The following C6orf62 variants were observed in gnomAD, a reference collection of about 807,000 sequenced individuals.
C6orf62 encodes chromosome 6 open reading frame 62.
In C6orf62, 16 loss-of-function variants were observed where a neutral mutation model predicts 26.8. The ratio of observed to expected loss-of-function variants is 0.60; its 90% CI spans 0.40 to 0.91. The LOEUF (loss-of-function observed/expected upper bound fraction) is 0.91. Ranked by LOEUF, C6orf62 falls within the 40% of genes least tolerant of loss-of-function variation. The probability of loss-of-function intolerance (pLI) is 0.00; values close to 1 mark genes in which losing one functional copy is unlikely to be tolerated. For synonymous variants in C6orf62, 112 were observed against 91.5 expected (o/e 1.22, Z -1.28); for missense variants, 192 against 271.4 (o/e 0.71, Z 2.06).
rs542357213 is a variant in C6orf62, at chr6:24,717,083, C to CTTTTAATACTACTCTTTT, written c.130-760_130-759insAAAAGAGTAGTATTAAAA. On this transcript the variant is annotated intron_variant, in intron 1 of 4. Coordinates refer to ENST00000378119, the MANE Select transcript of C6orf62 (RefSeq NM_030939.5). ...CACCAAGTTCTCTTTTAATACTACTCAAGACCAAGTACGCATCACTAAACT... is the reference window on the plus strand; with the variant it reads ...CACCAAGTTCTCTTTTAATACTACTCTTTTAATACTACTCTTTTAAGACCAAGTACGCATCACTAAACT... Among the ~76,000 whole-genome samples, 91 of 152,278 alleles carry CTTTTAATACTACTCTTTT rather than the reference C, an allele frequency of 6.0e-4. No individual in the cohort carries two copies. In the South Asian group the frequency reaches 0.017, roughly 29 times the overall value.
chr6:24,706,589 T>C (rs149738850), intron 4 of C6orf62, among the ~76,000 whole-genome samples: 133 of 152,226 alleles, frequency 8.7e-4, no homozygotes, highest in African/African-American at 2.8e-3. Context: ...GTGGTAAGAA[T>C]AGAAGCTAGT....
At chr6:24,712,530 G>A (rs753897691) in intron 3 of C6orf62, among the ~76,000 whole-genome samples, 7 of 151,928 alleles carry the variant, frequency 4.6e-5, no homozygotes, top group Non-Finnish European at 7.4e-5. Context: ...TTAGCTGGGC[G>A]TGGTGGCATG....
intron 3 of C6orf62, among the ~76,000 whole-genome samples, chr6:24,711,239 TACAC>T (rs143267331): frequency 5.0e-5 from 7 of 138,684 alleles, no homozygotes; most frequent in East Asian, 2.1e-4. Flanking sequence ...AAAGAAATGG[TACAC>T]ACACACACAC....
In C6orf62 at chr6:24,718,936, G is replaced by C; in HGVS notation, c.-268C>G. ...GACGGGAAAAAGGGAGGAAAGAAAG[G>C]AAAGAAAGAGGAGAAAATAACTAAC... On this transcript the variant is annotated 5_prime_UTR_variant, in exon 1 of 5. Coordinates refer to ENST00000378119, the MANE Select transcript of C6orf62 (RefSeq NM_030939.5). 2 of 1,242,972 alleles carry C rather than the reference G, an allele frequency of 1.6e-6. No homozygotes were observed. Among genetic ancestry groups the C allele is most frequent in the Non-Finnish European group, 2.0e-6 (2 of 989,930 alleles). 77.0% of individuals were successfully genotyped at this position (1,242,972 alleles called of 1,614,324 possible).
chr6:24,708,729 A>T (rs375340509), intron 4 of C6orf62, 48 bp downstream of exon 4: 2 of 1,611,154 alleles, frequency 1.2e-6, no homozygotes, highest in Non-Finnish European at 1.7e-6. Flanking sequence ...TTACTAACCA[A>T]TAAGTTTTTG....
chr6:24,710,948 T>C (rs1779109162), intron 3 of C6orf62, among the ~76,000 whole-genome samples: 1 of 151,898 alleles, frequency 6.6e-6, no homozygotes, highest in Admixed American at 6.6e-5. Context: ...GCCATGACTA[T>C]GCCACTGCAC....
chr6:24,713,382 A>C (rs543320727), intron 3 of C6orf62, among the ~76,000 whole-genome samples: 1 of 152,362 alleles, frequency 6.6e-6, no homozygotes, highest in Non-Finnish European at 1.5e-5. Context: ...GCTTATGTGT[A>C]GCAACATTAC....
intron 4 of C6orf62, among the ~76,000 whole-genome samples, chr6:24,708,085 G>A (rs1779047277): frequency 6.6e-6 from 1 of 151,932 alleles, no homozygotes; most frequent in African/African-American, 2.4e-5. Flanking sequence ...TGTTTAAAGT[G>A]CAGACTCTGA....
Position 24,715,848 on chromosome 6 carries a change from CAA to C in C6orf62, c.306+298_306+299del, listed in dbSNP as rs139717677. Among the ~76,000 whole-genome samples, 74 of 63,816 alleles carry C rather than the reference CAA, an allele frequency of 1.2e-3. No individual in the cohort carries two copies. In the South Asian group the frequency reaches 0.024, roughly 21 times the overall value. 41.9% of individuals were successfully genotyped at this position (63,816 alleles called of 152,430 possible). On this transcript the variant is annotated intron_variant, in intron 2 of 4. Coordinates refer to ENST00000378119, the MANE Select transcript of C6orf62 (RefSeq NM_030939.5). The stretch of plus-strand genomic sequence containing the variant: ...TCAGCGAAAGAGCAAGACTTTGTCT[CAA>C]AAAAAAAAAAAAAAAAAAAAGTCCG...
chr6:24,720,161 G>T, upstream of C6orf62: 1 of 1,361,452 alleles, frequency 7.3e-7, no homozygotes, highest in Non-Finnish European at 9.4e-7. Flanking sequence ...CAGCTAGGGC[G>T]GGGTGGGTGA....
In C6orf62 at chr6:24,705,014, A is replaced by G. The variant is rs1047332817; in HGVS notation, c.*1123T>C. ...TTACTCCAAAGGAGTAGGATCATTC[A>G]GATTTACTCCAATAAAAGTATGCAA... On this transcript the variant is annotated 3_prime_UTR_variant, in exon 5 of 5. Coordinates refer to ENST00000378119, the MANE Select transcript of C6orf62 (RefSeq NM_030939.5). 22 of 151,946 alleles carry G rather than the reference A, an allele frequency of 1.4e-4. No homozygotes were observed. Among genetic ancestry groups the G allele is most frequent in the African/African-American group, 5.3e-4 (22 of 41,270 alleles). The allele number at this position is 151,946 out of a possible 1,614,324, so 9.4% of individuals were successfully genotyped here.
chr6:24,719,129 G>A lies in C6orf62; in HGVS notation c.-461C>T. ...TTTAGAAAAGGGATTAAGGAACAGGGAGGGGGAAGTGTGATCCTTGCTTTC... is the reference window on the plus strand; with the variant it reads ...TTTAGAAAAGGGATTAAGGAACAGGAAGGGGGAAGTGTGATCCTTGCTTTC... On this transcript the variant is annotated 5_prime_UTR_variant, in exon 1 of 5. Transcript: ENST00000378119. The A allele has an allele frequency of 1.0e-6, 1 of 968,690 alleles. No homozygotes were observed. Among genetic ancestry groups the A allele is most frequent in the Non-Finnish European group, 1.2e-6 (1 of 817,938 alleles). The allele number at this position is 968,690 out of a possible 1,614,324, so 60.0% of individuals were successfully genotyped here.
In C6orf62 at chr6:24,718,984, T is replaced by G. The variant is rs1581401438; in HGVS notation, c.-316A>C. On this transcript the variant is annotated 5_prime_UTR_variant, in exon 1 of 5. Coordinates refer to ENST00000378119, the MANE Select transcript of C6orf62 (RefSeq NM_030939.5). ...AACTTTCTGGAAAACACATTTGGCT[T>G]AACTGCCAAAATAAAGGCTTTGCGG... 8.7e-7 allele frequency: 1 copy of G among 1,149,296 alleles called. No individual in the cohort carries two copies. The highest frequency in any genetic ancestry group is 1.7e-5 in the African/African-American group (1 of 60,220). 71.2% of individuals were successfully genotyped at this position (1,149,296 alleles called of 1,614,324 possible).
rs185345176 is a variant in C6orf62, at chr6:24,708,925, A to G, written c.430-14T>C. 184 of 1,614,040 alleles carry G rather than the reference A, an allele frequency of 1.1e-4. No individual in the cohort carries two copies. The African/African-American group carries it at 2.3e-3, about 20-fold the overall frequency. ...CTCAAATTTGGCCTAATTACAAAAT[A>G]CAACATTTATATTAAACTACAAACA... On this transcript the variant is annotated splice_polypyrimidine_tract_variant and intron_variant, in intron 3 of 4. Coordinates refer to ENST00000378119, the MANE Select transcript of C6orf62 (RefSeq NM_030939.5).
At chr6:24,719,656 T>A, upstream of C6orf62, 1 of 1,447,788 alleles carries the variant, frequency 6.9e-7, no homozygotes, top group Non-Finnish European at 9.1e-7. Context: ...AGCCTGCAAC[T>A]AGTCCTACAT....
chr6:24,706,390 T>C (rs2127631660), intron 4 of C6orf62, 128 bp from the exon 5 acceptor site: 1 of 1,352,770 alleles, frequency 7.4e-7, no homozygotes, highest in East Asian at 2.5e-5. Context: ...GTAGTCCCTA[T>C]CCATATTCTA....
chr6:24,712,572 G>C (rs1779142556), intron 3 of C6orf62, among the ~76,000 whole-genome samples: 1 of 151,366 alleles, frequency 6.6e-6, no homozygotes, highest in Non-Finnish European at 1.5e-5. Context: ...GGGAGGCTAA[G>C]GCAGGAGAAT....
At position 24,710,599 on chromosome 6, in the gene C6orf62, A is replaced by G. The variant is rs968704556; in HGVS notation, c.430-1688T>C. ...TCTTATCATCAAACCACTATAGGAGAAAAAAAAAAAAGTAACAGTAAGTAA... is the reference window on the plus strand; with the variant it reads ...TCTTATCATCAAACCACTATAGGAGGAAAAAAAAAAAGTAACAGTAAGTAA... On this transcript the variant is annotated intron_variant, in intron 3 of 4. Coordinates refer to ENST00000378119, the MANE Select transcript of C6orf62 (RefSeq NM_030939.5). The G allele has an allele frequency of 4.6e-5, 11 of 239,428 alleles. No individual in the cohort carries two copies. In the African/African-American group the frequency reaches 4.9e-4, roughly 11 times the overall value. The allele number at this position is 239,428 out of a possible 1,614,324, so 14.8% of individuals were successfully genotyped here.
rs1779005388 is a variant in C6orf62, at chr6:24,706,179, A to C, written c.648T>G (p.Val216=). The change falls in exon 5 of 5, where the codon GTT becomes GTG. Residue 216 remains valine (V), a synonymous_variant. Coordinates refer to ENST00000378119, the MANE Select transcript of C6orf62 (RefSeq NM_030939.5). ...GACGGAGGTGATCCTCTATGGTGCC[A>C]ACTGCCCAGTGGGTGAGCTGTTCCT... is the stretch of plus-strand genomic sequence containing the variant. ...LPQEQLTHWA[V]GTIEDHLRPY... 1.2e-6 allele frequency: 2 copies of C among 1,614,220 alleles called. No individual in the cohort carries two copies. Among genetic ancestry groups the C allele is most frequent in the Non-Finnish European group, 8.5e-7 (1 of 1,180,032 alleles).
Sources: allele counts gnomAD v4.1 joint callset (sites outside exome capture counted in the v4.1 genomes callset), GRCh38; gene constraint gnomAD v4.1.1; transcripts MANE v1.5; gene names NCBI Gene and HGNC (gene_info 2026-07-23, HGNC 2026-07-21).